Variants in ADARB2 observed in about 807,000 individuals in gnomAD.
ADARB2 encodes inactive double-stranded RNA-specific editase B2.
Under a neutral mutation model 62.2 loss-of-function variants are expected in ADARB2, and 25 were observed. The ratio of observed to expected loss-of-function variants is 0.40; its 90% CI spans 0.29 to 0.56. The LOEUF (loss-of-function observed/expected upper bound fraction) is 0.56, where lower values mean the gene tolerates loss of function less well. Ranked by LOEUF, ADARB2 falls within the 20% of genes least tolerant of loss-of-function variation. The probability of loss-of-function intolerance (pLI) is 0.43; values close to 1 mark genes in which losing one functional copy is unlikely to be tolerated. For synonymous variants in ADARB2, 572 were observed against 500.8 expected, an observed-to-expected ratio of 1.14 and a Z score of -1.90; for missense variants, 1,071 against 1,077.4, an observed-to-expected ratio of 0.99 and a Z score of 0.08.
At chr10:1,427,645 C>A (rs1441671835) in intron 1 of ADARB2, among the ~76,000 whole-genome samples, 1 of 152,168 alleles carries the variant, frequency 6.6e-6, no homozygotes, top group Non-Finnish European at 1.5e-5. Context: ...AATGTTACAG[C>A]CACTCTGGAA....
intron 8 of ADARB2, among the ~76,000 whole-genome samples, chr10:1,193,768 C>G (rs540486964): frequency 3.3e-5 from 5 of 152,160 alleles, no homozygotes; most frequent in Non-Finnish European, 7.4e-5. Flanking sequence ...TTAAAGATGC[C>G]ATTTCATTGT....
chr10:1,502,113 T>G (rs935711990), intron 1 of ADARB2, among the ~76,000 whole-genome samples: 1 of 152,216 alleles, frequency 6.6e-6, no homozygotes, highest in Non-Finnish European at 1.5e-5. Flanking sequence ...CCACACAGTG[T>G]CCACCTGGGT....
intron 1 of ADARB2, among the ~76,000 whole-genome samples, chr10:1,581,122 C>T (rs1833091890): frequency 1.3e-5 from 2 of 152,212 alleles, no homozygotes; most frequent in Non-Finnish European, 1.5e-5. Context: ...ATGTTTACGG[C>T]CCTCTATATC....
chr10:1,327,553 T>C lies in ADARB2; in HGVS notation c.1077+35475A>G, dbSNP rs1201696570. 7.9e-3 allele frequency among the ~76,000 whole-genome samples: 330 copies of C among 41,910 alleles called. 28 individuals carry two copies. The highest frequency in any genetic ancestry group is 0.013 in the African/African-American group (152 of 11,656). The allele number at this position is 41,910 out of a possible 152,430, so 27.5% of individuals were successfully genotyped here. A position where few individuals can be genotyped will look rare whatever the true frequency, so the allele number is the denominator to read the frequency against. ...CGCCTCCTCACTGCCCAGCGCCTCC[T>C]CACGGCCCAGCGCCTCCTCACTGCA... On this transcript the variant is annotated intron_variant, in intron 3 of 9. Coordinates refer to ENST00000381312, the MANE Select transcript of ADARB2 (RefSeq NM_018702.4).
intron 5 of ADARB2, among the ~76,000 whole-genome samples, chr10:1,234,742 T>C (rs1388373101): frequency 1.5e-5 from 1 of 68,366 alleles, no homozygotes; most frequent in Non-Finnish European, 2.7e-5. Context: ...ATGATCTTTT[T>C]TTTTTTTTTT....
chr10:1,558,756 C>T (rs2813361), intron 1 of ADARB2, among the ~76,000 whole-genome samples: 74,460 of 82,310 alleles, frequency 0.9, 33,375 homozygotes, highest in South Asian at 0.96. Flanking sequence ...ATCCCACCTC[C>T]GCCCCACTCC....
intron 1 of ADARB2, among the ~76,000 whole-genome samples, chr10:1,430,294 A>G (rs903890545): frequency 2.0e-5 from 3 of 152,270 alleles, no homozygotes; most frequent in South Asian, 4.1e-4. Context: ...AGAATATTCA[A>G]GTAAGCCACA....
At chr10:1,201,569 T>A (rs1440768150) in intron 7 of ADARB2, among the ~76,000 whole-genome samples, 2 of 150,624 alleles carry the variant, frequency 1.3e-5, no homozygotes, top group African/African-American at 4.9e-5. Flanking sequence ...ACAGAGCGCC[T>A]GTCACCGAGG....
At chr10:1,564,245 C>T (rs1221619071) in intron 1 of ADARB2, among the ~76,000 whole-genome samples, 1 of 152,202 alleles carries the variant, frequency 6.6e-6, no homozygotes, top group East Asian at 1.9e-4. Context: ...ACAGTCCCAC[C>T]AACAGTGTAA....
chr10:1,607,344 T>G (rs1833506251), intron 1 of ADARB2, among the ~76,000 whole-genome samples: 1 of 152,212 alleles, frequency 6.6e-6, no homozygotes, highest in Admixed American at 6.5e-5. Context: ...CTAGGCCATT[T>G]AGGCTGGGAC....
At chr10:1,587,471 G>A (rs188372122) in intron 1 of ADARB2, among the ~76,000 whole-genome samples, 2 of 152,232 alleles carry the variant, frequency 1.3e-5, no homozygotes, top group East Asian at 1.9e-4. Flanking sequence ...TCATGGTGTA[G>A]GTTCGGTTTC....
intron 4 of ADARB2, among the ~76,000 whole-genome samples, chr10:1,270,488 T>A (rs1447115641): frequency 6.6e-6 from 1 of 152,228 alleles, no homozygotes; most frequent in African/African-American, 2.4e-5. Context: ...TTAGCCCTCA[T>A]TCATCTTCCC....
At chr10:1,697,777 A>G (rs1834765784) in intron 1 of ADARB2, among the ~76,000 whole-genome samples, 1 of 152,100 alleles carries the variant, frequency 6.6e-6, no homozygotes, top group Non-Finnish European at 1.5e-5. Flanking sequence ...CGGTGTATTG[A>G]AGCCCTGATG....
At chr10:1,226,666 A>C in intron 6 of ADARB2, among the ~76,000 whole-genome samples, 1 of 152,218 alleles carries the variant, frequency 6.6e-6, no homozygotes, top group East Asian at 1.9e-4. Flanking sequence ...GGAGTTTGTT[A>C]GAGGTCCACT....
Position 1,576,426 on chromosome 10 carries a change from AG to A in ADARB2, c.100+160624del, listed in dbSNP as rs1297809204. Among the ~76,000 whole-genome samples, 73 of 152,196 alleles carry A rather than the reference AG, an allele frequency of 4.8e-4. 2 individuals carry two copies. Among genetic ancestry groups the A allele is most frequent in the African/African-American group, 1.7e-3 (69 of 41,528 alleles). The stretch of plus-strand genomic sequence containing the variant: ...GGGCTCAGGATCACTGGAGGGGCTC[AG>A]GGGCCATTGCAGGAGGGCTCTCCCT... On this transcript the variant is annotated intron_variant, in intron 1 of 9. Coordinates refer to ENST00000381312, the MANE Select transcript of ADARB2 (RefSeq NM_018702.4).
intron 4 of ADARB2, among the ~76,000 whole-genome samples, chr10:1,260,834 C>G (rs370275092): frequency 1.4e-5 from 2 of 146,054 alleles, no homozygotes; most frequent in Non-Finnish European, 3.0e-5. Flanking sequence ...AAAAAGAGCC[C>G]GCATCACCAA....
intron 1 of ADARB2, chr10:1,675,920 TG>T (rs1431849623): frequency 3.5e-6 from 3 of 862,284 alleles, no homozygotes; most frequent in Non-Finnish European, 4.2e-6. Context: ...GAGGTCCGCG[TG>T]GGTCAGAGTT....
At position 1,462,727 on chromosome 10, in the gene ADARB2, ATGTG is replaced by A. The variant is rs1029739226; in HGVS notation, c.101-83571_101-83568del. On this transcript the variant is annotated intron_variant, in intron 1 of 9. Transcript: ENST00000381312. ...TGTGTATGTGCATGACTGTATGTGCATGTGTGTATGTGCCTGTGTGTATGTATGC... is the reference window on the plus strand; with the variant it reads ...TGTGTATGTGCATGACTGTATGTGCATGTATGTGCCTGTGTGTATGTATGC... 7.4e-5 allele frequency among the ~76,000 whole-genome samples: 11 copies of A among 149,010 alleles called. 1 individual carries two copies. Among genetic ancestry groups the A allele is most frequent in the East Asian group, 2.0e-4 (1 of 5,042 alleles).
At chr10:1,721,245 T>C (rs1172318571) in intron 1 of ADARB2, among the ~76,000 whole-genome samples, 1 of 152,202 alleles carries the variant, frequency 6.6e-6, no homozygotes, top group Non-Finnish European at 1.5e-5. Context: ...TTTTTAAAAA[T>C]AAAGCTATAA....
Sources: allele counts gnomAD v4.1 joint callset (sites outside exome capture counted in the v4.1 genomes callset), GRCh38; gene constraint gnomAD v4.1.1; transcripts MANE v1.5; gene names NCBI Gene and HGNC (gene_info 2026-07-23, HGNC 2026-07-21).